The following TKTL1 variants were observed in gnomAD, a reference collection of about 807,000 sequenced individuals.
The protein encoded by TKTL1 is transketolase like 1, also known as transketolase-like protein 1.
A neutral mutation model predicts 39.3 loss-of-function variants in TKTL1; 1 was observed. The observed-to-expected ratio is 0.03, with a 90% CI of 0.01 to 0.12. The LOEUF (loss-of-function observed/expected upper bound fraction) is 0.12, where lower values mean the gene tolerates loss of function less well. Among genes scored for constraint, TKTL1 ranks in the 10% least tolerant of loss-of-function variants. TKTL1 has a pLI of 1.00. For missense variants in TKTL1, 575 were observed against 509.6 expected (o/e 1.13, Z -1.24); for synonymous variants, 262 against 193.8 (o/e 1.35, Z -2.92).
rs986073834 is a variant in TKTL1 at position 154,305,249 on chromosome X, T to C, written c.135-55T>C. ...ATGAGGAGACCATGTGCCGAGGTCG[T>C]GTGCTAGGAAGCCAGTTGCTGTGAG... On this transcript the variant is annotated intron_variant, in intron 1 of 12. Coordinates refer to ENST00000369915, the MANE Select transcript of TKTL1 (RefSeq NM_012253.4). 4 of 1,192,272 alleles carry C rather than the reference T, an allele frequency of 3.4e-6. No individual in the cohort carries two copies. The African/African-American group carries it at 5.3e-5, about 16-fold the overall frequency.
chrX:154,295,841 C>G lies in TKTL1; in HGVS notation c.-19C>G, dbSNP rs782737999. 9 of 1,206,358 alleles carry G rather than the reference C, an allele frequency of 7.5e-6. No individual in the cohort carries two copies. In the African/African-American group the frequency reaches 1.2e-4, roughly 16 times the overall value. ...GGAGACGTAGGAGTGGGTCTTCAGA[C>G]TCCAAAGGGGTTGGACTAATGGCGG... is the stretch of plus-strand genomic sequence containing the variant. On this transcript the variant is annotated 5_prime_UTR_variant, in exon 1 of 13. Transcript: ENST00000369915.
rs1390520763 is a variant in TKTL1, at chrX:154,329,390, G to A, written c.1619-126G>A. ...AGAATGAGAACTCCGCAGGCCCATC[G>A]GAGTGGCTGTTCACATGAATCAGAT... On this transcript the variant is annotated intron_variant, in intron 12 of 12. Transcript: ENST00000369915. 34 of 674,265 alleles carry A rather than the reference G, an allele frequency of 5.0e-5. No individual in the cohort carries two copies. The East Asian group carries it at 7.1e-4, about 14-fold the overall frequency. The allele number at this position is 674,265 out of a possible 1,213,427, so 55.6% of individuals were successfully genotyped here.
chrX:154,321,372 C>T (rs1468559422), intron 8 of TKTL1, among the ~76,000 whole-genome samples: 5 of 108,536 alleles, frequency 4.6e-5, no homozygotes, highest in African/African-American at 1.7e-4. Flanking sequence ...GAGCGTGACA[C>T]GAGGCAGGAA....
chrX:154,312,828 C>G lies in TKTL1; in HGVS notation c.864+55C>G, dbSNP rs1416961675. 7.4e-6 allele frequency: 8 copies of G among 1,078,044 alleles called. No homozygotes were observed. The Admixed American group carries it at 1.5e-4, about 20-fold the overall frequency. 88.8% of individuals were successfully genotyped at this position (1,078,044 alleles called of 1,213,427 possible). A position where few individuals can be genotyped will look rare whatever the true frequency, so the allele number is the denominator to read the frequency against. Reference sequence around the variant, plus strand: ...TCAGATACGTCAACTGCTTTGTTCTCTAATGTTGTTCGTATGTACACAGGA... The same window carrying G: ...TCAGATACGTCAACTGCTTTGTTCTGTAATGTTGTTCGTATGTACACAGGA... On this transcript the variant is annotated intron_variant, in intron 6 of 12. Transcript: ENST00000369915.
chrX:154,305,904 G>GT (rs782712419), intron 2 of TKTL1, among the ~76,000 whole-genome samples: 2 of 111,792 alleles, frequency 1.8e-5, no homozygotes, highest in Non-Finnish European at 3.8e-5. Context: ...ACTTCATGAA[G>GT]TATCATGGGT....
chrX:154,311,227 G>A lies in TKTL1; in HGVS notation c.659G>A (p.Arg220Gln), dbSNP rs1557168281. The A allele has an allele frequency of 8.3e-7, 1 of 1,211,732 alleles. No homozygotes were observed. Among genetic ancestry groups the A allele is most frequent in the Middle Eastern group, 2.3e-4 (1 of 4,354 alleles). Residue 220 changes from arginine to glutamine, a missense_variant, in exon 5 of 13, where the codon CGG becomes CAG. Physicochemically the swap from Arg to Gln is conservative, Grantham distance 43. Coordinates refer to ENST00000369915, the MANE Select transcript of TKTL1 (RefSeq NM_012253.4). ...TAVVAKTFKGRGTPSIEDAES... is the reference protein window; with the variant it reads ...TAVVAKTFKGQGTPSIEDAES... The stretch of plus-strand genomic sequence containing the variant: ...GTGGTGGCCAAGACCTTCAAGGGCC[G>A]GGGCACCCCAAGTAAGCAAGCACTT...
intron 6 of TKTL1, 37 bp downstream of exon 6, chrX:154,312,810 C>T (rs368760515): frequency 4.6e-5 from 52 of 1,127,219 alleles, no homozygotes; most frequent in Non-Finnish European, 6.0e-5. Context: ...AAATCAGATA[C>T]GTCAACTGCT....
At position 154,300,668 on chromosome X, in the gene TKTL1, T is replaced by C. The variant is rs1451367707; in HGVS notation, c.135-4636T>C. Among the ~76,000 whole-genome samples, 3 of 111,209 alleles carry C rather than the reference T, an allele frequency of 2.7e-5. No individual in the cohort carries two copies. The East Asian group carries it at 8.5e-4, about 31-fold the overall frequency. On this transcript the variant is annotated intron_variant, in intron 1 of 12. Transcript: ENST00000369915. ...TTGTTCATCAGATCTAAGAGTCTTT[T>C]GGATGAGTCTTTAGGATTTTGTTTG...
rs1370758754 is a variant in TKTL1, at chrX:154,313,151, T to G, written c.864+378T>G. ...TTGGCTTTCACATGTGTGTCTGAAT[T>G]TTCTGATTGGTCAATTGCTATTTAT... On this transcript the variant is annotated intron_variant, in intron 6 of 12. Transcript: ENST00000369915. Among the ~76,000 whole-genome samples, 3 of 111,901 alleles carry G rather than the reference T, an allele frequency of 2.7e-5. No individual in the cohort carries two copies. In the East Asian group the frequency reaches 8.3e-4, roughly 31 times the overall value.
intron 2 of TKTL1, among the ~76,000 whole-genome samples, chrX:154,307,358 C>T (rs1174189624): frequency 1.8e-5 from 2 of 112,326 alleles, no homozygotes; most frequent in Admixed American, 9.4e-5. Flanking sequence ...TCAGATTTAG[C>T]TGGCTGATGA....
rs782731425 is a variant in TKTL1 at position 154,296,003 on chromosome X, C to T, written c.134+10C>T. 8.3e-6 allele frequency: 10 copies of T among 1,210,086 alleles called. No individual in the cohort carries two copies. The highest frequency in any genetic ancestry group is 2.2e-5 in the Admixed American group (1 of 45,950). ...GCTCCACGAGCTCCGGGTAAGTTCT[C>T]CTCATTGAAGTCTGGGTCATGCAGG... On this transcript the variant is annotated intron_variant, in intron 1 of 12. Coordinates refer to ENST00000369915, the MANE Select transcript of TKTL1 (RefSeq NM_012253.4).
intron 8 of TKTL1, among the ~76,000 whole-genome samples, chrX:154,322,660 A>G (rs2067460963): frequency 8.9e-6 from 1 of 111,897 alleles, no homozygotes; most frequent in Non-Finnish European, 1.9e-5. Flanking sequence ...CCCAGTGCAC[A>G]TTAAGATTTC....
intron 9 of TKTL1, among the ~76,000 whole-genome samples, chrX:154,323,993 C>T (rs946026211): frequency 2.7e-5 from 3 of 112,863 alleles, no homozygotes; most frequent in African/African-American, 6.4e-5. Flanking sequence ...CTCGCCCATG[C>T]GCCACACAGG....
chrX:154,311,069 C>T, intron 4 of TKTL1, 42 bp downstream of exon 4: 9 of 1,210,777 alleles, frequency 7.4e-6, no homozygotes, highest in Admixed American at 2.2e-5. Context: ...TCTGTCCTGC[C>T]CCCTTCATCT....
chrX:154,327,064 T>C (rs893894927), intron 10 of TKTL1: 2 of 181,309 alleles, frequency 1.1e-5, no homozygotes, highest in East Asian at 2.7e-4. Context: ...CCAGGAACTC[T>C]GTCTTTGCTT....
chrX:154,318,515 T>C (rs1194538226), intron 7 of TKTL1, among the ~76,000 whole-genome samples: 2 of 102,567 alleles, frequency 1.9e-5, no homozygotes, highest in Non-Finnish European at 4.0e-5. Context: ...CTGGCTAACA[T>C]GGTGAAACCC....
intron 2 of TKTL1, among the ~76,000 whole-genome samples, chrX:154,305,670 A>G (rs1037136250): frequency 7.2e-5 from 8 of 110,549 alleles, no homozygotes; most frequent in African/African-American, 2.6e-4. Flanking sequence ...CGCCCCACTT[A>G]GCACGAACGC....
intron 8 of TKTL1, among the ~76,000 whole-genome samples, chrX:154,321,412 T>G (rs1235063615): frequency 9.8e-6 from 1 of 101,809 alleles, no homozygotes; most frequent in Admixed American, 1.2e-4. Flanking sequence ...CTCAGAGTAG[T>G]AGTCACCTGG....
intron 10 of TKTL1, among the ~76,000 whole-genome samples, chrX:154,325,922 A>C (rs1369821534): frequency 8.9e-6 from 1 of 112,186 alleles, no homozygotes; most frequent in Admixed American, 9.4e-5. Flanking sequence ...AATTCAAGGC[A>C]GCAGTGAGCT....
Sources: gnomAD v4.1 joint callset for allele counts (sites outside exome capture counted in the v4.1 genomes callset) on GRCh38, gnomAD v4.1.1 for gene constraint, MANE v1.5 for transcripts, NCBI Gene and HGNC (gene_info 2026-07-23, HGNC 2026-07-21) for gene names.